ENPP2: variants seen among roughly 807,000 people sequenced by gnomAD.
The protein encoded by ENPP2 is autotaxin.
ENPP2 carries 51 observed loss-of-function variants against 120.2 expected under a neutral mutation model. That is an observed-to-expected ratio of 0.42 (90% CI 0.34 to 0.54). The LOEUF (loss-of-function observed/expected upper bound fraction) is 0.54, where lower values mean the gene tolerates loss of function less well. ENPP2 is among the 20% of genes least tolerant of loss of function. The pLI is 0.04. For synonymous variants in ENPP2, 365 were observed against 366.4 expected, an observed-to-expected ratio of 1.00 and a Z score of 0.04; for missense variants, 920 against 1,066.5, an observed-to-expected ratio of 0.86 and a Z score of 1.91.
chr8:119,562,818 A>G, intron 24 of ENPP2, 39 bp downstream of exon 24: 1 of 1,592,958 alleles, frequency 6.3e-7, no homozygotes, highest in Non-Finnish European at 8.6e-7. Context: ...AAGGTGAACT[A>G]TGGAAGCAAA....
intron 11 of ENPP2, among the ~76,000 whole-genome samples, chr8:119,594,917 T>C (rs368880499): frequency 2.0e-4 from 30 of 152,230 alleles, no homozygotes; most frequent in African/African-American, 7.2e-4. Context: ...TGTTATTTCA[T>C]TGGGAAATCA....
At chr8:119,572,742 C>A (rs981366543) in intron 19 of ENPP2, 2 of 157,080 alleles carry the variant, frequency 1.3e-5, no homozygotes, top group African/African-American at 4.8e-5. Flanking sequence ...AATGGAGGTA[C>A]TGGGCAAAGA....
chr8:119,582,467 T>A lies in ENPP2; in HGVS notation c.1679A>T (p.Gln560Leu). The A allele has an allele frequency of 6.2e-7, 1 of 1,614,152 alleles. No homozygotes were observed. Among genetic ancestry groups the A allele is most frequent in the Non-Finnish European group, 8.5e-7 (1 of 1,179,970 alleles). Residue 560 changes from glutamine (Q) to leucine (L), a missense_variant, in exon 18 of 25, where the codon CAG (glutamine) becomes CTG (leucine). By Grantham distance (113) the Gln-to-Leu change is moderately radical. Transcript: ENST00000075322. ...RPNYPGIMYL[Q>L]SDFDLGCTCD... is the part of the protein sequence containing the mutation. ...AGTGCAGCCCAGGTCAAAATCAGACTGAAGGTACATAATCCCTGGATAATT... is the reference window on the plus strand; with the variant it reads ...AGTGCAGCCCAGGTCAAAATCAGACAGAAGGTACATAATCCCTGGATAATT...
chr8:119,672,433 C>T (rs550898652), intron 1 of ENPP2, among the ~76,000 whole-genome samples: 1 of 151,858 alleles, frequency 6.6e-6, no homozygotes, highest in South Asian at 2.1e-4. Context: ...TAAAATGAAA[C>T]CAGAGTGTGG....
chr8:119,617,243 C>G lies in ENPP2; in HGVS notation c.578G>C (p.Arg193Thr), dbSNP rs1390599744. ...GTAGGGAGAGTGTGTGCCACAAGAC[C>G]CTGGAAAGAGAATTGCAAATATTAG... is the stretch of plus-strand genomic sequence containing the variant. The part of the protein sequence containing the change: ...SKVMPNIEKL[R>T]SCGTHSPYMR... The change falls in exon 7 of 25, where the codon AGG (arginine) becomes ACG (threonine). Residue 193 changes from arginine (R) to threonine (T), a missense_variant and splice_region_variant. Arg to Thr is a moderately conservative substitution (Grantham distance 71, BLOSUM62 -1). Transcript: ENST00000075322. 1 of 1,610,972 alleles carries G rather than the reference C, an allele frequency of 6.2e-7. No homozygotes were observed. Among genetic ancestry groups the G allele is most frequent in the Admixed American group, 1.7e-5 (1 of 59,942 alleles).
At chr8:119,649,918 T>C (rs1817580238) in intron 1 of ENPP2, among the ~76,000 whole-genome samples, 2 of 152,212 alleles carry the variant, frequency 1.3e-5, no homozygotes. Flanking sequence ...AGGAAGGATG[T>C]GGAAACATGA....
chr8:119,646,289 C>T (rs1030719856), intron 1 of ENPP2, among the ~76,000 whole-genome samples: 10 of 152,138 alleles, frequency 6.6e-5, no homozygotes, highest in African/African-American at 2.4e-4. Flanking sequence ...AAACTTAAAA[C>T]TTTTCTGTTT....
intron 24 of ENPP2, among the ~76,000 whole-genome samples, chr8:119,559,896 A>C (rs998763352): frequency 2.0e-5 from 3 of 152,216 alleles, no homozygotes; most frequent in African/African-American, 7.2e-5. Context: ...TTCTACATGA[A>C]CAGGTGACCC....
At chr8:119,595,608 A>C (rs958010059) in intron 11 of ENPP2, among the ~76,000 whole-genome samples, 3 of 152,156 alleles carry the variant, frequency 2.0e-5, no homozygotes, top group African/African-American at 7.2e-5. Context: ...TACTAGTTTT[A>C]GGGCAACTAA....
chr8:119,642,187 A>G (rs935770313), upstream of ENPP2, among the ~76,000 whole-genome samples: 4 of 152,092 alleles, frequency 2.6e-5, no homozygotes, highest in Non-Finnish European at 2.9e-5. Flanking sequence ...ACTTTTTGGT[A>G]TACTCTTTTG....
intron 1 of ENPP2, among the ~76,000 whole-genome samples, chr8:119,663,119 C>CAA (rs34922221): frequency 0.095 from 11,443 of 120,156 alleles, 621 homozygotes; most frequent in South Asian, 0.19. Context: ...ACTCTTGTCT[C>CAA]AAAAAAAAAA....
chr8:119,648,083 T>C (rs1268609642), intron 1 of ENPP2, among the ~76,000 whole-genome samples: 2 of 152,206 alleles, frequency 1.3e-5, no homozygotes, highest in East Asian at 1.9e-4. Context: ...TTGCTTAACT[T>C]CTCTAAAACA....
In ENPP2 at chr8:119,562,590, A is replaced by C. The variant is rs187770198; in HGVS notation, c.2421+267T>G. On this transcript the variant is annotated intron_variant, in intron 24 of 24. Transcript: ENST00000075322. ...TTTGTCATTCTCCACTTTCTTTTGC[A>C]AAATGAAAAACATTTGGACATTTAT... Among the ~76,000 whole-genome samples the C allele has an allele frequency of 1.5e-3, 231 of 152,318 alleles. 1 individual carries two copies. The highest frequency in any genetic ancestry group is 5.3e-3 in the African/African-American group (219 of 41,566).
chr8:119,571,842 TA>T (rs1232596545), intron 19 of ENPP2: 91 of 185,494 alleles, frequency 4.9e-4, no homozygotes, highest in Non-Finnish European at 3.9e-4. Context: ...TTGCTTTAAT[TA>T]AAGTCTTACC....
At chr8:119,614,315 T>A (rs1815316764) in intron 8 of ENPP2, among the ~76,000 whole-genome samples, 1 of 152,038 alleles carries the variant, frequency 6.6e-6, no homozygotes, top group African/African-American at 2.4e-5. Flanking sequence ...TCCACCCACC[T>A]CAGCCTCCCA....
chr8:119,626,988 T>G (rs938629987), intron 2 of ENPP2, among the ~76,000 whole-genome samples: 1 of 152,178 alleles, frequency 6.6e-6, no homozygotes, highest in Non-Finnish European at 1.5e-5. Flanking sequence ...CTTAGCCGCA[T>G]GTCAGACATA....
rs57298494 is a variant in ENPP2 at position 119,602,457 on chromosome 8, C to CAAA, written c.834-998_834-996dup. ...GGGCAACAAGAGTGAAACTCTGTCT[C>CAAA]AAAAAAAAAAAAAAAAAAGAATAGG... On this transcript the variant is annotated intron_variant, in intron 9 of 24. Transcript: ENST00000075322. Among the ~76,000 whole-genome samples, 433 of 122,960 alleles carry CAAA rather than the reference C, an allele frequency of 3.5e-3. 2 individuals are homozygous for CAAA. The highest frequency in any genetic ancestry group is 0.012 in the African/African-American group (413 of 35,716). The allele number at this position is 122,960 out of a possible 152,430, so 80.7% of individuals were successfully genotyped here.
Position 119,583,914 on chromosome 8 carries a change from C to A in ENPP2, c.1455+48G>T, listed in dbSNP as rs368948557. The A allele has an allele frequency of 2.0e-5, 30 of 1,490,738 alleles. 1 individual carries two copies. The Middle Eastern group carries it at 1.0e-3, about 51-fold the overall frequency. The allele number at this position is 1,490,738 out of a possible 1,614,324, so 92.3% of individuals were successfully genotyped here. A position where few individuals can be genotyped will look rare whatever the true frequency, so the allele number is the denominator to read the frequency against. ...CTCACACCACCATTACTTATCCTTTCGAAGAACCACTAAAACACAATTTCA... is the reference window on the plus strand; with the variant it reads ...CTCACACCACCATTACTTATCCTTTAGAAGAACCACTAAAACACAATTTCA... On this transcript the variant is annotated intron_variant, in intron 16 of 24. Coordinates refer to ENST00000075322, the MANE Select transcript of ENPP2 (RefSeq NM_001040092.3).
intron 2 of ENPP2, among the ~76,000 whole-genome samples, chr8:119,628,799 A>T (rs1816455645): frequency 6.6e-6 from 1 of 152,230 alleles, no homozygotes; most frequent in African/African-American, 2.4e-5. Flanking sequence ...GGGCAGAAGG[A>T]GGGAGAAAAT....
Sources: gnomAD v4.1 joint callset for allele counts (sites outside exome capture counted in the v4.1 genomes callset) on GRCh38, gnomAD v4.1.1 for gene constraint, MANE v1.5 for transcripts, NCBI Gene and HGNC (gene_info 2026-07-23, HGNC 2026-07-21) for gene names.